MIA2: variants seen among roughly 807,000 people sequenced by gnomAD.
The protein encoded by MIA2 is MIA SH3 domain ER export factor 2.
MIA2 carries 127 observed loss-of-function variants against 167.8 expected under a neutral mutation model. That is an observed-to-expected ratio of 0.76 (90% CI 0.66 to 0.88). The LOEUF is 0.88. MIA2 is among the 40% of genes least tolerant of loss of function. The probability of loss-of-function intolerance (pLI) is 0.00; values close to 1 mark genes in which losing one functional copy is unlikely to be tolerated. For missense variants in MIA2, 1,690 were observed against 1,624.7 expected (o/e 1.04, Z -0.69); for synonymous variants, 552 against 541.9 (o/e 1.02, Z -0.26).
At chr14:39,236,665 T>C (rs1396378462) in intron 1 of MIA2, among the ~76,000 whole-genome samples, 3 of 152,178 alleles carry the variant, frequency 2.0e-5, no homozygotes, top group African/African-American at 7.2e-5. Context: ...TAGCCAAGTC[T>C]GTGTGAAGGG....
chr14:39,288,471 A>ATTTTT (rs1428823924), intron 9 of MIA2, among the ~76,000 whole-genome samples: 6 of 51,646 alleles, frequency 1.2e-4, no homozygotes, highest in Non-Finnish European at 1.5e-4. Context: ...ATATATATAT[A>ATTTTT]TATATTTTTT....
At chr14:39,268,436 CTGTT>C (rs1311766707) in intron 6 of MIA2, among the ~76,000 whole-genome samples, 3 of 148,118 alleles carry the variant, frequency 2.0e-5, no homozygotes, top group Non-Finnish European at 4.4e-5. Flanking sequence ...ATCATGTTGT[CTGTT>C]AAGAGAGAGA....
At chr14:39,239,646 G>T (rs759293729) in intron 2 of MIA2, among the ~76,000 whole-genome samples, 13 of 152,148 alleles carry the variant, frequency 8.5e-5, no homozygotes, top group Non-Finnish European at 1.9e-4. Flanking sequence ...TGACATCTTA[G>T]GTGTCATAAA....
intron 25 of MIA2, among the ~76,000 whole-genome samples, chr14:39,344,710 A>T (rs2072825306): frequency 6.6e-6 from 1 of 152,170 alleles, no homozygotes; most frequent in Non-Finnish European, 1.5e-5. Context: ...GTATATCTGT[A>T]ATAGGATAGG....
At position 39,289,307 on chromosome 14, in the gene MIA2, T is replaced by C. The variant is rs143803502; in HGVS notation, c.2131-1712T>C. 4.4e-3 allele frequency among the ~76,000 whole-genome samples: 665 copies of C among 152,106 alleles called. 2 individuals carry two copies. The highest frequency in any genetic ancestry group is 7.2e-3 in the Non-Finnish European group (487 of 67,984). On this transcript the variant is annotated intron_variant, in intron 9 of 28. Coordinates refer to ENST00000640607, the MANE Select transcript of MIA2 (RefSeq NM_001329214.4). ...TCGACTCACTGCAACTTCCGCCTCA[T>C]GGGCTCAAGTGATTCTTGTGCCTCA...
intron 25 of MIA2, among the ~76,000 whole-genome samples, chr14:39,336,095 C>T (rs895281531): frequency 1.3e-5 from 2 of 152,116 alleles, no homozygotes; most frequent in African/African-American, 4.8e-5. Context: ...TGTAGAACGA[C>T]TTAGTTTCTT....
Position 39,320,909 on chromosome 14 carries a change from G to A in MIA2, c.3368-19G>A. On this transcript the variant is annotated intron_variant, in intron 23 of 28. Coordinates refer to ENST00000640607, the MANE Select transcript of MIA2 (RefSeq NM_001329214.4). ...TAAGTGAAACTATGAATTTAAATAT[G>A]CTGTTTTAATTATTCCAGAGCATTC... 1 of 1,605,422 alleles carries A rather than the reference G, an allele frequency of 6.2e-7. No homozygotes were observed. Among genetic ancestry groups the A allele is most frequent in the Non-Finnish European group, 8.5e-7 (1 of 1,177,206 alleles).
chr14:39,303,214 A>G lies in MIA2; in HGVS notation c.2741-264A>G, dbSNP rs546568773. 2.0e-5 allele frequency among the ~76,000 whole-genome samples: 3 copies of G among 152,276 alleles called. No homozygotes were observed. In the East Asian group the frequency reaches 5.8e-4, roughly 29 times the overall value. On this transcript the variant is annotated intron_variant, in intron 15 of 28. Coordinates refer to ENST00000640607, the MANE Select transcript of MIA2 (RefSeq NM_001329214.4). ...GTTAATGATTGTGGTCTATATTTAG[A>G]TGAATATAGAATCCTTGTTATAACT...
rs1304088208 is a variant in MIA2 at position 39,320,152 on chromosome 14, G to A, written c.3368-776G>A. On this transcript the variant is annotated intron_variant, in intron 23 of 28. Transcript: ENST00000640607. ...CAAAATTTCAAGAAGGGTAACTAAT[G>A]CTTTGATCTTTTCTTGTAGCTGGTT... Among the ~76,000 whole-genome samples the A allele has an allele frequency of 2.1e-5, 3 of 139,622 alleles. No homozygotes were observed. In the East Asian group the frequency reaches 5.8e-4, roughly 27 times the overall value. The allele number at this position is 139,622 out of a possible 152,430, so 91.6% of individuals were successfully genotyped here.
At position 39,332,394 on chromosome 14, in the gene MIA2, C is replaced by T. The variant is rs189466320; in HGVS notation, c.3655+5372C>T. 5.6e-4 allele frequency among the ~76,000 whole-genome samples: 86 copies of T among 152,216 alleles called. 1 individual carries two copies. The highest frequency in any genetic ancestry group is 2.0e-3 in the African/African-American group (81 of 41,514). The stretch of plus-strand genomic sequence containing the variant: ...TCCTTGCATTAGGTTAGAATATGCT[C>T]CTTTAGCTTGGCGGAGTTTATTACT... On this transcript the variant is annotated intron_variant, in intron 25 of 28. Coordinates refer to ENST00000640607, the MANE Select transcript of MIA2 (RefSeq NM_001329214.4).
At chr14:39,318,790 C>A (rs947015472) in intron 22 of MIA2, among the ~76,000 whole-genome samples, 3 of 152,072 alleles carry the variant, frequency 2.0e-5, no homozygotes, top group African/African-American at 7.2e-5. Flanking sequence ...GCATACATGA[C>A]TCAAAGCCAG....
chr14:39,289,616 T>G (rs887616179), intron 9 of MIA2, among the ~76,000 whole-genome samples: 2 of 152,188 alleles, frequency 1.3e-5, no homozygotes, highest in Non-Finnish European at 2.9e-5. Flanking sequence ...TCTCTTAAAA[T>G]TTTGAAGGTC....
chr14:39,250,606 G>C (rs1220941792), intron 4 of MIA2, among the ~76,000 whole-genome samples: 1 of 151,794 alleles, frequency 6.6e-6, no homozygotes, highest in Non-Finnish European at 1.5e-5. Context: ...TGAGGCATGA[G>C]AATCACTGGA....
chr14:39,286,317 C>T (rs867631041), intron 9 of MIA2, among the ~76,000 whole-genome samples: 65 of 152,046 alleles, frequency 4.3e-4, no homozygotes, highest in African/African-American at 1.3e-3. Context: ...TGGTGGCGCG[C>T]GCCTGCAATT....
chr14:39,281,110 A>T (rs2058864339), intron 9 of MIA2, among the ~76,000 whole-genome samples: 2 of 151,846 alleles, frequency 1.3e-5, no homozygotes, highest in South Asian at 4.2e-4. Context: ...TTTCTTGTAG[A>T]GATGGGGTTT....
intron 23 of MIA2, among the ~76,000 whole-genome samples, chr14:39,357,757 A>G (rs1462960042): frequency 2.0e-5 from 3 of 152,120 alleles, no homozygotes; most frequent in Admixed American, 6.5e-5. Context: ...GGTGGTGACA[A>G]AATCTCTCAG....
At chr14:39,363,575 A>G (rs1008289239) in intron 23 of MIA2, among the ~76,000 whole-genome samples, 1 of 152,190 alleles carries the variant, frequency 6.6e-6, no homozygotes, top group Non-Finnish European at 1.5e-5. Context: ...TGTCTGGATG[A>G]TCTGTCTGAT....
intron 23 of MIA2, chr14:39,385,553 T>A: frequency 2.4e-6 from 2 of 822,636 alleles, no homozygotes; most frequent in South Asian, 2.7e-5. Flanking sequence ...AAATCAAATT[T>A]CCCAGGTTCT....
intron 3 of MIA2, among the ~76,000 whole-genome samples, chr14:39,246,162 T>C (rs2054298712): frequency 1.3e-5 from 2 of 151,866 alleles, no homozygotes; most frequent in Admixed American, 1.3e-4. Context: ...ATTGGTGCGA[T>C]CTTGGCTCAC....
Sources: allele counts gnomAD v4.1 joint callset (sites outside exome capture counted in the v4.1 genomes callset), GRCh38; gene constraint gnomAD v4.1.1; transcripts MANE v1.5; gene names NCBI Gene and HGNC (gene_info 2026-07-23, HGNC 2026-07-21).